DLC1: variants seen among roughly 807,000 people sequenced by gnomAD.
DLC1 encodes the protein rho GTPase-activating protein 7.
Under a neutral mutation model 140.3 loss-of-function variants are expected in DLC1, and 54 were observed. The observed-to-expected ratio is 0.38, with a 90% CI of 0.31 to 0.48. DLC1 has a LOEUF of 0.48. Ranked by LOEUF, DLC1 falls within the 20% of genes least tolerant of loss-of-function variation. DLC1 has a pLI of 0.96. For missense variants in DLC1, 2,536 were observed against 1,907.0 expected, an observed-to-expected ratio of 1.33 and a Z score of -6.14; for synonymous variants, 986 against 728.1, an observed-to-expected ratio of 1.35 and a Z score of -5.70.
At chr8:13,525,676 T>C (rs1802899895) in intron 1 of DLC1, among the ~76,000 whole-genome samples, 2 of 152,140 alleles carry the variant, frequency 1.3e-5, no homozygotes, top group Non-Finnish European at 2.9e-5. Context: ...CCAAAATTGG[T>C]TTGTTGGTTT....
chr8:13,120,352 A>ATAT (rs199638260), intron 5 of DLC1, among the ~76,000 whole-genome samples: 7,818 of 26,372 alleles, frequency 0.3, 941 homozygotes, highest in African/African-American at 0.36. Context: ...CAAAAAAAAA[A>ATAT]AAAAATATAT....
chr8:13,388,509 A>G (rs1274500668), intron 4 of DLC1, among the ~76,000 whole-genome samples: 1 of 152,070 alleles, frequency 6.6e-6, no homozygotes, highest in African/African-American at 2.4e-5. Context: ...TATAATTTAT[A>G]CTGAAAGATT....
intron 4 of DLC1, among the ~76,000 whole-genome samples, chr8:13,312,626 C>T (rs1235695038): frequency 6.6e-6 from 1 of 151,824 alleles, no homozygotes; most frequent in Non-Finnish European, 1.5e-5. Flanking sequence ...TCCAATTGAA[C>T]ATTGCTAATA....
At chr8:13,117,988 T>C (rs1481399209) in intron 5 of DLC1, among the ~76,000 whole-genome samples, 1 of 146,868 alleles carries the variant, frequency 6.8e-6, no homozygotes, top group Non-Finnish European at 1.5e-5. Flanking sequence ...CATATTCCTG[T>C]CTTCTTGTTC....
intron 2 of DLC1, among the ~76,000 whole-genome samples, chr8:13,406,831 G>C (rs1837586767): frequency 6.6e-6 from 1 of 152,092 alleles, no homozygotes; most frequent in African/African-American, 2.4e-5. Flanking sequence ...AACATGAACA[G>C]GCTATTCTTA....
chr8:13,404,852 A>T (rs1181618161), intron 2 of DLC1, among the ~76,000 whole-genome samples: 2 of 151,964 alleles, frequency 1.3e-5, no homozygotes, highest in African/African-American at 2.4e-5. Context: ...ATATTTTTTT[A>T]AAAAATAGAC....
At chr8:13,086,578 G>T in intron 16 of DLC1, 115 bp from the exon 17 acceptor site, 1 of 1,204,194 alleles carries the variant, frequency 8.3e-7, no homozygotes, top group Non-Finnish European at 1.2e-6. Context: ...CAGTGGCCAT[G>T]CTGTGTGACC....
chr8:13,236,450 T>G (rs1203588673), intron 5 of DLC1, among the ~76,000 whole-genome samples: 1 of 152,152 alleles, frequency 6.6e-6, no homozygotes, highest in African/African-American at 2.4e-5. Flanking sequence ...AATCTTAAAA[T>G]CTCTTATTCA....
At chr8:13,173,427 A>C (rs1395521152) in intron 5 of DLC1, among the ~76,000 whole-genome samples, 3 of 129,202 alleles carry the variant, frequency 2.3e-5, no homozygotes, top group Non-Finnish European at 4.6e-5. Flanking sequence ...GCTGGAGCGC[A>C]GTGGCGCGAT....
chr8:13,501,583 C>G (rs1001460922), intron 1 of DLC1, among the ~76,000 whole-genome samples: 1 of 152,170 alleles, frequency 6.6e-6, no homozygotes, highest in Non-Finnish European at 1.5e-5. Flanking sequence ...GACTCCCCAA[C>G]AAAAATTTCG....
intron 4 of DLC1, among the ~76,000 whole-genome samples, chr8:13,347,169 G>T (rs1162934335): frequency 6.6e-6 from 1 of 152,178 alleles, no homozygotes; most frequent in African/African-American, 2.4e-5. Context: ...TTCCCCTTTG[G>T]AAAATGGGGG....
intron 4 of DLC1, among the ~76,000 whole-genome samples, chr8:13,319,568 C>T (rs910197598): frequency 7.7e-6 from 1 of 130,710 alleles, no homozygotes; most frequent in Admixed American, 7.9e-5. Context: ...GCACCTTTCC[C>T]CTCGCCCTCT....
At chr8:13,089,714 G>A (rs1289943256) in intron 15 of DLC1, among the ~76,000 whole-genome samples, 2 of 152,138 alleles carry the variant, frequency 1.3e-5, no homozygotes, top group South Asian at 4.1e-4. Context: ...CCCACTGTTT[G>A]TTTATTTTCA....
chr8:13,480,746 G>A (rs1800690752), intron 2 of DLC1, among the ~76,000 whole-genome samples: 1 of 151,994 alleles, frequency 6.6e-6, no homozygotes, highest in South Asian at 2.1e-4. Context: ...TCTACTAAAA[G>A]TATAAAAAAT....
chr8:13,397,880 C>T (rs1346875594), intron 3 of DLC1, among the ~76,000 whole-genome samples: 1 of 151,942 alleles, frequency 6.6e-6, no homozygotes, highest in African/African-American at 2.4e-5. Context: ...CGCCTGTAAT[C>T]CCAGCACTTC....
intron 5 of DLC1, among the ~76,000 whole-genome samples, chr8:13,187,486 T>C (rs1169036407): frequency 6.6e-6 from 1 of 152,132 alleles, no homozygotes; most frequent in African/African-American, 2.4e-5. Flanking sequence ...TGGTCATAAA[T>C]TGTGTTAAAG....
chr8:13,128,901 T>TAATTATGATGGCAAGGCAGAACA (rs71207124), intron 5 of DLC1, among the ~76,000 whole-genome samples: 149,154 of 150,308 alleles, frequency 0.99, 74,005 homozygotes, highest in Non-Finnish European at 1. Flanking sequence ...TGTTCTCCAT[T>TAATTATGATGGCAAGGCAGAACA]AATTATGATG....
chr8:13,098,657 C>A, intron 9 of DLC1, 82 bp from the exon 10 acceptor site: 8 of 1,436,742 alleles, frequency 5.6e-6, no homozygotes, highest in Non-Finnish European at 7.4e-6. Context: ...GCTCTGTTGC[C>A]CAGGCTGGAG....
intron 2 of DLC1, among the ~76,000 whole-genome samples, chr8:13,481,653 AC>A (rs1352367231): frequency 6.6e-6 from 1 of 152,200 alleles, no homozygotes; most frequent in Non-Finnish European, 1.5e-5. Context: ...GTTATATGAA[AC>A]TGTGCTTGGC....
Sources: allele counts gnomAD v4.1 joint callset (sites outside exome capture counted in the v4.1 genomes callset), GRCh38; gene constraint gnomAD v4.1.1; transcripts MANE v1.5; gene names NCBI Gene and HGNC (gene_info 2026-07-23, HGNC 2026-07-21).